ZWILCH: variants seen among roughly 807,000 people sequenced by gnomAD.
The protein encoded by ZWILCH is protein zwilch homolog.
ZWILCH carries 74 observed loss-of-function variants against 79.9 expected under a neutral mutation model. The observed-to-expected ratio is 0.93, with a 90% CI of 0.77 to 1.12. The LOEUF (loss-of-function observed/expected upper bound fraction) is 1.12, where lower values mean the gene tolerates loss of function less well. Ranked by LOEUF, ZWILCH falls within the 50% of genes most tolerant of loss-of-function variation. The pLI is 0.00. For missense variants in ZWILCH, 694 were observed against 687.5 expected, an observed-to-expected ratio of 1.01 and a Z score of -0.11; for synonymous variants, 241 against 228.2, an observed-to-expected ratio of 1.06 and a Z score of -0.51.
intron 17 of ZWILCH, among the ~76,000 whole-genome samples, chr15:66,541,985 A>T (rs1043704245): frequency 2.0e-5 from 3 of 152,222 alleles, no homozygotes; most frequent in African/African-American, 7.2e-5. Flanking sequence ...ATATAGTTGA[A>T]CTATAAAAGT....
At chr15:66,522,334 T>TC (rs200582197) in intron 7 of ZWILCH, among the ~76,000 whole-genome samples, 29 of 150,312 alleles carry the variant, frequency 1.9e-4, no homozygotes, top group African/African-American at 6.1e-4. Context: ...TTTCTTTCTT[T>TC]TTTTTTTTTT....
At chr15:66,532,490 C>A in intron 13 of ZWILCH, 87 bp downstream of exon 13, 1 of 1,237,696 alleles carries the variant, frequency 8.1e-7, no homozygotes, top group Non-Finnish European at 1.1e-6. Context: ...TTCTGCTTGT[C>A]CCTCATCGTC....
intron 1 of ZWILCH, among the ~76,000 whole-genome samples, chr15:66,507,141 G>A (rs929634782): frequency 6.6e-6 from 1 of 152,168 alleles, no homozygotes; most frequent in East Asian, 1.9e-4. Flanking sequence ...GATTACAGGC[G>A]TGAGCCATCG....
intron 16 of ZWILCH, 69 bp from the exon 17 acceptor site, chr15:66,540,029 G>C: frequency 9.5e-7 from 1 of 1,050,552 alleles, no homozygotes; most frequent in Non-Finnish European, 1.4e-6. Flanking sequence ...TCACTAAATG[G>C]CTGTAGAGGG....
At chr15:66,535,675 CAA>C (rs35287244) in intron 14 of ZWILCH, among the ~76,000 whole-genome samples, 36 of 103,442 alleles carry the variant, frequency 3.5e-4, no homozygotes, top group Admixed American at 3.0e-4. Context: ...GACCCTGTCT[CAA>C]AAAAAAAAAA....
Position 66,519,005 on chromosome 15 carries a change from T to C in ZWILCH, c.447T>C (p.Cys149=), listed in dbSNP as rs1447765588. 2 of 1,614,128 alleles carry C rather than the reference T, an allele frequency of 1.2e-6. No individual in the cohort carries two copies. The highest frequency in any genetic ancestry group is 1.3e-5 in the African/African-American group (1 of 74,950). ...ACAGTTCAGATCCTGAAGGTACTTG[T>C]TGGCTAGGAGCTGAGCTTATCACAA... The part of the protein sequence containing the change: ...RCDSSDPEGT[C]WLGAELITTN... The change falls in exon 5 of 19, where the codon TGT becomes TGC. Residue 149 remains cysteine, a synonymous_variant. Transcript: ENST00000307897.
Position 66,540,158 on chromosome 15 carries a change from T to G in ZWILCH, c.1635T>G (p.Val545=). Residue 545 remains valine, a synonymous_variant, in exon 17 of 19, where the codon GTT becomes GTG. Coordinates refer to ENST00000307897, the MANE Select transcript of ZWILCH (RefSeq NM_017975.5). ...GTGGTCAAAAGAAGATTAAGACAGT[T>G]TGGCAACTGAGTGACAGCTCACCCA... ...IYSGQKKIKT[V]WQLSDSSPID... is the part of the protein sequence containing the mutation. The G allele has an allele frequency of 6.2e-7, 1 of 1,613,788 alleles. No homozygotes were observed. Among genetic ancestry groups the G allele is most frequent in the South Asian group, 1.1e-5 (1 of 91,036 alleles).
chr15:66,516,029 A>G (rs114355711), intron 4 of ZWILCH, among the ~76,000 whole-genome samples: 226 of 152,352 alleles, frequency 1.5e-3, no homozygotes, highest in African/African-American at 5.0e-3. Context: ...CTTAAGAATG[A>G]CACACAGGAA....
At chr15:66,522,327 C>A (rs1028524042) in intron 7 of ZWILCH, among the ~76,000 whole-genome samples, 1 of 144,286 alleles carries the variant, frequency 6.9e-6, no homozygotes, top group Non-Finnish European at 1.5e-5. Flanking sequence ...AAATAGATTT[C>A]TTTCTTTTTT....
intron 5 of ZWILCH, 138 bp from the exon 6 acceptor site, chr15:66,520,452 T>A: frequency 1.6e-6 from 1 of 638,562 alleles, no homozygotes; most frequent in Non-Finnish European, 2.9e-6. Context: ...ATTTCACTTA[T>A]CTGTGATTTA....
chr15:66,536,616 G>T (rs1019836889), intron 15 of ZWILCH, among the ~76,000 whole-genome samples: 1 of 152,200 alleles, frequency 6.6e-6, no homozygotes, highest in Admixed American at 6.5e-5. Flanking sequence ...CCAGTGGAAG[G>T]ACTGGGTTTC....
At chr15:66,523,346 T>G (rs565976196) in intron 7 of ZWILCH, 8 of 207,982 alleles carry the variant, frequency 3.8e-5, no homozygotes, top group Middle Eastern at 1.7e-3. Flanking sequence ...TCTTGAGATA[T>G]ATTTATGTAA....
At chr15:66,525,112 C>T (rs544992118) in intron 8 of ZWILCH, among the ~76,000 whole-genome samples, 1 of 152,332 alleles carries the variant, frequency 6.6e-6, no homozygotes, top group East Asian at 1.9e-4. Flanking sequence ...TGAAAACCCC[C>T]CATTTCTGTC....
chr15:66,534,285 A>T (rs1274449443), intron 14 of ZWILCH, among the ~76,000 whole-genome samples: 1 of 152,206 alleles, frequency 6.6e-6, no homozygotes, highest in Non-Finnish European at 1.5e-5. Context: ...TTTAAAGCAT[A>T]CAGGAGGGTG....
At chr15:66,541,210 C>T (rs1044811754) in intron 17 of ZWILCH, among the ~76,000 whole-genome samples, 2 of 151,918 alleles carry the variant, frequency 1.3e-5, no homozygotes, top group Admixed American at 6.6e-5. Flanking sequence ...ATCACTTAAC[C>T]CAGGAAGTGG....
chr15:66,544,724 T>TTTTTTTTTTTTGTGTGTGTG (rs145952622), intron 17 of ZWILCH, among the ~76,000 whole-genome samples: 8 of 128,530 alleles, frequency 6.2e-5, no homozygotes, highest in Admixed American at 5.9e-4. Flanking sequence ...TTTTTGGTTT[T>TTTTTTTTTTTTGTGTGTGTG]TGTGTGTGTG....
At chr15:66,544,813 G>A (rs1370767730) in intron 17 of ZWILCH, among the ~76,000 whole-genome samples, 2 of 148,808 alleles carry the variant, frequency 1.3e-5, no homozygotes, top group African/African-American at 5.0e-5. Context: ...GCGCGATCTC[G>A]GCTCACTGCA....
chr15:66,540,351 A>T (rs958899731), intron 17 of ZWILCH, 141 bp downstream of exon 17: 4 of 578,182 alleles, frequency 6.9e-6, no homozygotes, highest in African/African-American at 5.8e-5. Flanking sequence ...CAGGAGTTTG[A>T]GACCAGCCTG....
chr15:66,509,870 T>TGG lies in ZWILCH; in HGVS notation c.105+978_105+979insGG, dbSNP rs1491513134. 8.1e-4 allele frequency among the ~76,000 whole-genome samples: 81 copies of TGG among 100,556 alleles called. 2 individuals are homozygous for TGG. Among genetic ancestry groups the TGG allele is most frequent in the African/African-American group, 2.7e-3 (70 of 25,728 alleles). The allele number at this position is 100,556 out of a possible 152,430, so 66.0% of individuals were successfully genotyped here. On this transcript the variant is annotated intron_variant, in intron 2 of 18. Transcript: ENST00000307897. ...ATATATATATATATATATATATATA[T>TGG]CTCTTAAAAATCAATGAGGAAGATG...
Sources: gnomAD v4.1 joint callset for allele counts (sites outside exome capture counted in the v4.1 genomes callset) on GRCh38, gnomAD v4.1.1 for gene constraint, MANE v1.5 for transcripts, NCBI Gene and HGNC (gene_info 2026-07-23, HGNC 2026-07-21) for gene names.